The following LSAMP variants were observed in gnomAD, a reference collection of about 807,000 sequenced individuals.
LSAMP encodes the protein limbic system associated membrane protein, also known as limbic system-associated membrane protein.
LSAMP carries 7 observed loss-of-function variants against 38.6 expected under a neutral mutation model. That is an observed-to-expected ratio of 0.18 (90% confidence interval 0.10 to 0.34). The LOEUF is 0.34. LSAMP is among the 10% of genes least tolerant of loss of function. The probability of loss-of-function intolerance (pLI) is 1.00; values close to 1 mark genes in which losing one functional copy is unlikely to be tolerated. For missense variants in LSAMP, 313 were observed against 420.0 expected, an observed-to-expected ratio of 0.75 and a Z score of 2.23; for synonymous variants, 154 against 166.8, an observed-to-expected ratio of 0.92 and a Z score of 0.59.
At chr3:116,349,914 T>C (rs920721668) in intron 1 of LSAMP, among the ~76,000 whole-genome samples, 4 of 152,028 alleles carry the variant, frequency 2.6e-5, no homozygotes, top group South Asian at 2.1e-4. Context: ...AACATGTGCA[T>C]ATGTTTGTAT....
chr3:115,975,764 T>C (rs893970237), intron 3 of LSAMP, among the ~76,000 whole-genome samples: 5 of 152,138 alleles, frequency 3.3e-5, no homozygotes, highest in Admixed American at 2.6e-4. Flanking sequence ...TAATCTTCTG[T>C]GTAAATAAGA....
At chr3:116,260,158 C>A (rs1452042786) in intron 1 of LSAMP, among the ~76,000 whole-genome samples, 1 of 152,140 alleles carries the variant, frequency 6.6e-6, no homozygotes, top group East Asian at 1.9e-4. Flanking sequence ...GAATGCTAAA[C>A]TTTCCCTCCT....
At chr3:116,420,339 C>G (rs996542464) in intron 1 of LSAMP, among the ~76,000 whole-genome samples, 4 of 151,988 alleles carry the variant, frequency 2.6e-5, no homozygotes, top group Admixed American at 6.6e-5. Context: ...CTCAGGCAAT[C>G]TGCCTGCCTT....
At chr3:115,888,099 C>T (rs1936502621) in intron 3 of LSAMP, among the ~76,000 whole-genome samples, 1 of 151,812 alleles carries the variant, frequency 6.6e-6, no homozygotes, top group Non-Finnish European at 1.5e-5. Flanking sequence ...CTTTTATATT[C>T]TCACTCAAAA....
At chr3:115,826,146 G>C (rs1302501395) in intron 6 of LSAMP, among the ~76,000 whole-genome samples, 1 of 143,072 alleles carries the variant, frequency 7.0e-6, no homozygotes, top group East Asian at 1.9e-4. Flanking sequence ...ACAGAGTCTC[G>C]ATCTGTCACC....
chr3:116,187,434 G>GA (rs567863106), intron 1 of LSAMP, among the ~76,000 whole-genome samples: 4 of 151,708 alleles, frequency 2.6e-5, no homozygotes, highest in Non-Finnish European at 5.9e-5. Context: ...AAAAAGAAAA[G>GA]AAAAAAAATG....
intron 3 of LSAMP, among the ~76,000 whole-genome samples, chr3:116,001,178 A>C (rs1215349992): frequency 1.3e-5 from 2 of 152,142 alleles, no homozygotes; most frequent in Non-Finnish European, 2.9e-5. Flanking sequence ...TGGATCATAC[A>C]AAAAAAGAAA....
At chr3:116,052,859 T>C (rs1220263740) in intron 2 of LSAMP, among the ~76,000 whole-genome samples, 3 of 152,208 alleles carry the variant, frequency 2.0e-5, no homozygotes, top group African/African-American at 7.2e-5. Context: ...CCCTGGACTC[T>C]CTAACCTGGT....
intron 1 of LSAMP, among the ~76,000 whole-genome samples, chr3:116,278,845 T>TTGA (rs1311783630): frequency 6.6e-6 from 1 of 152,228 alleles, no homozygotes; most frequent in African/African-American, 2.4e-5. Flanking sequence ...AAGTGTTTTG[T>TTGA]TGATACTTTT....
chr3:116,075,830 C>T (rs1303574580), intron 2 of LSAMP, among the ~76,000 whole-genome samples: 1 of 152,060 alleles, frequency 6.6e-6, no homozygotes, highest in Non-Finnish European at 1.5e-5. Context: ...TGTGAGCCAC[C>T]GTGTCCAGCC....
chr3:116,239,003 G>A (rs1251269771), intron 1 of LSAMP, among the ~76,000 whole-genome samples: 1 of 152,136 alleles, frequency 6.6e-6, no homozygotes, highest in Non-Finnish European at 1.5e-5. Flanking sequence ...TTCACAAGTT[G>A]AGAGTGCATT....
chr3:116,002,252 G>C (rs4401357), intron 3 of LSAMP, among the ~76,000 whole-genome samples: 1 of 152,042 alleles, frequency 6.6e-6, no homozygotes, highest in South Asian at 2.1e-4. Context: ...TTATGCCCTA[G>C]AGAGGGCAGT....
chr3:115,945,424 T>C (rs183574938), intron 3 of LSAMP, among the ~76,000 whole-genome samples: 1 of 152,196 alleles, frequency 6.6e-6, no homozygotes, highest in African/African-American at 2.4e-5. Context: ...GACAGAGGGT[T>C]GTGATACGAG....
At chr3:115,827,397 T>A (rs1934456034) in intron 6 of LSAMP, among the ~76,000 whole-genome samples, 1 of 151,884 alleles carries the variant, frequency 6.6e-6, no homozygotes, top group African/African-American at 2.4e-5. Flanking sequence ...TTAGGCTTTT[T>A]AGGCAGTTAA....
intron 1 of LSAMP, among the ~76,000 whole-genome samples, chr3:116,292,234 A>G (rs1379724821): frequency 6.6e-6 from 1 of 152,164 alleles, no homozygotes; most frequent in Non-Finnish European, 1.5e-5. Context: ...TCCTCAATAT[A>G]TTAACAGTCC....
chr3:116,273,557 G>A (rs1226670901), intron 1 of LSAMP, among the ~76,000 whole-genome samples: 2 of 150,738 alleles, frequency 1.3e-5, no homozygotes, highest in Non-Finnish European at 2.9e-5. Flanking sequence ...CTCTCTTGGA[G>A]TAATCTACTT....
At chr3:116,327,913 C>A (rs1220532075) in intron 1 of LSAMP, among the ~76,000 whole-genome samples, 1 of 152,126 alleles carries the variant, frequency 6.6e-6, no homozygotes, top group Non-Finnish European at 1.5e-5. Flanking sequence ...TGAGATATTA[C>A]AAACGGTCAG....
At chr3:115,835,336 C>G (rs1434887016) in intron 6 of LSAMP, among the ~76,000 whole-genome samples, 2 of 152,102 alleles carry the variant, frequency 1.3e-5, no homozygotes, top group Non-Finnish European at 2.9e-5. Flanking sequence ...TTAAAAGTAT[C>G]TGACAGTCCC....
intron 2 of LSAMP, among the ~76,000 whole-genome samples, chr3:116,041,266 T>C (rs970971740): frequency 3.9e-5 from 6 of 152,070 alleles, no homozygotes; most frequent in Admixed American, 1.3e-4. Flanking sequence ...AAATGGTGAA[T>C]TGATTCTGAG....
Sources: gnomAD v4.1 joint callset for allele counts (sites outside exome capture counted in the v4.1 genomes callset) on GRCh38, gnomAD v4.1.1 for gene constraint, MANE v1.5 for transcripts, NCBI Gene and HGNC (gene_info 2026-07-23, HGNC 2026-07-21) for gene names.